DCAF8L2: variants seen among roughly 807,000 people sequenced by gnomAD.
The protein encoded by DCAF8L2 is DDB1 and CUL4 associated factor 8 like 2, also known as DDB1- and CUL4-associated factor 8-like protein 2.
For missense variants in DCAF8L2, 430 were observed against 490.7 expected (o/e 0.88, Z 1.17); for synonymous variants, 200 against 190.9 (o/e 1.05, Z -0.39).
intron 4 of DCAF8L2, among the ~76,000 whole-genome samples, chrX:27,740,500 T>C (rs1421853229): frequency 1.8e-5 from 2 of 111,301 alleles, no homozygotes; most frequent in East Asian, 2.8e-4. Flanking sequence ...TAGAATAAAA[T>C]AAAGCACTAT....
chrX:27,578,984 G>A, the DCAF8L2 span, among the ~76,000 whole-genome samples: 1 of 111,041 alleles, frequency 9.0e-6, no homozygotes, highest in Non-Finnish European at 1.9e-5. Context: ...TTCAATCATT[G>A]TGGAAGACAG....
At chrX:27,577,123 T>C in the DCAF8L2 span, among the ~76,000 whole-genome samples, 1 of 112,047 alleles carries the variant, frequency 8.9e-6, no homozygotes, top group Non-Finnish European at 1.9e-5. Flanking sequence ...GATCTATTAA[T>C]TTGCAACGAG....
chrX:27,476,812 T>A, the DCAF8L2 span, among the ~76,000 whole-genome samples: 2 of 112,236 alleles, frequency 1.8e-5, no homozygotes, highest in African/African-American at 6.5e-5. Flanking sequence ...TCTGTGCTAC[T>A]TTTTTTCTTG....
At chrX:27,625,839 T>G (rs1164817575) in intron 1 of DCAF8L2, among the ~76,000 whole-genome samples, 1 of 110,202 alleles carries the variant, frequency 9.1e-6, no homozygotes, top group Non-Finnish European at 1.9e-5. Flanking sequence ...AAAGGAACAA[T>G]AGACATCTGA....
chrX:27,671,953 G>A (rs141310872), intron 2 of DCAF8L2, among the ~76,000 whole-genome samples: 279 of 111,751 alleles, frequency 2.5e-3, no homozygotes, highest in African/African-American at 7.0e-3. Flanking sequence ...GAAATGTACA[G>A]GCTATACTAA....
At chrX:27,673,671 A>G (rs1270355630) in intron 2 of DCAF8L2, among the ~76,000 whole-genome samples, 3 of 108,933 alleles carry the variant, frequency 2.8e-5, no homozygotes, top group African/African-American at 1.0e-4. Context: ...TATAATATAC[A>G]TATGTGTGTG....
chrX:27,598,969 A>AT lies in DCAF8L2; in HGVS notation c.-342+8529_-342+8530insT, dbSNP rs1324866815. On this transcript the variant is annotated intron_variant, in intron 1 of 4. Transcript: ENST00000451261. ...CGATAGGAAAGTTTCTCAAAAAAAA[A>AT]AAAAAATATATATATATATATATGA... Among the ~76,000 whole-genome samples the AT allele has an allele frequency of 5.3e-3, 437 of 82,848 alleles. 5 individuals carry two copies. Among genetic ancestry groups the AT allele is most frequent in the African/African-American group, 0.018 (416 of 23,165 alleles). 71.9% of individuals were successfully genotyped at this position (82,848 alleles called of 115,157 possible).
chrX:27,501,782 G>A, the DCAF8L2 span, among the ~76,000 whole-genome samples: 1 of 110,700 alleles, frequency 9.0e-6, no homozygotes, highest in African/African-American at 3.3e-5. Context: ...GGGGTTGAGA[G>A]GAAGCAAGGG....
At chrX:27,547,186 A>G in the DCAF8L2 span, among the ~76,000 whole-genome samples, 2 of 112,033 alleles carry the variant, frequency 1.8e-5, no homozygotes, top group Non-Finnish European at 3.8e-5. Context: ...CCAGTTCCCA[A>G]TGAGTTCCTC....
chrX:27,691,312 T>C (rs1036864708), intron 3 of DCAF8L2, among the ~76,000 whole-genome samples: 1 of 111,721 alleles, frequency 9.0e-6, no homozygotes, highest in African/African-American at 3.2e-5. Flanking sequence ...AAGAGAAATA[T>C]AGATGAGAGA....
intron 3 of DCAF8L2, among the ~76,000 whole-genome samples, chrX:27,691,297 G>A (rs1293382842): frequency 2.7e-5 from 3 of 111,521 alleles, no homozygotes; most frequent in African/African-American, 9.7e-5. Flanking sequence ...CTGAAAAGTT[G>A]TTTTAAGAGA....
intron 1 of DCAF8L2, among the ~76,000 whole-genome samples, chrX:27,613,166 A>G (rs1439452784): frequency 9.0e-6 from 1 of 111,265 alleles, no homozygotes; most frequent in East Asian, 2.8e-4. Context: ...GGTCCTTCAC[A>G]TCCCTTGTAA....
chrX:27,650,085 G>A (rs1328861088), intron 2 of DCAF8L2, among the ~76,000 whole-genome samples: 2 of 111,636 alleles, frequency 1.8e-5, no homozygotes, highest in Non-Finnish European at 3.8e-5. Context: ...TACTCACTTT[G>A]TTGAAGATCG....
chrX:27,472,969 A>G, the DCAF8L2 span, among the ~76,000 whole-genome samples: 2 of 111,883 alleles, frequency 1.8e-5, no homozygotes, highest in African/African-American at 6.5e-5. Context: ...CGCTTTTTGC[A>G]ACACTTTTTC....
Position 27,748,875 on chromosome X carries a change from G to T in DCAF8L2, c.*84G>T, listed in dbSNP as rs772780707. On this transcript the variant is annotated 3_prime_UTR_variant, in exon 5 of 5. Transcript: ENST00000451261. ...TTTGACTAATTTAGAATTGTCAATA[G>T]ATTAATAGATTTGCTTTTTGTCTTC... 7.7e-6 allele frequency: 8 copies of T among 1,034,546 alleles called. No individual in the cohort carries two copies. Among genetic ancestry groups the T allele is most frequent in the Non-Finnish European group, 1.0e-5 (8 of 786,558 alleles). The allele number at this position is 1,034,546 out of a possible 1,213,427, so 85.3% of individuals were successfully genotyped here.
chrX:27,509,712 T>C, the DCAF8L2 span, among the ~76,000 whole-genome samples: 2 of 111,768 alleles, frequency 1.8e-5, no homozygotes, highest in Admixed American at 9.6e-5. Flanking sequence ...TCTTTTGTTC[T>C]TTTGCTTACA....
At chrX:27,596,417 A>G (rs1926362584) in intron 1 of DCAF8L2, among the ~76,000 whole-genome samples, 1 of 111,883 alleles carries the variant, frequency 8.9e-6, no homozygotes, top group South Asian at 3.7e-4. Context: ...GAAGATAATT[A>G]AAACCTAGAT....
chrX:27,633,416 C>G (rs1569166688), intron 2 of DCAF8L2: 1 of 111,987 alleles, frequency 8.9e-6, no homozygotes, highest in Non-Finnish European at 1.9e-5. Flanking sequence ...AATTTCCAGT[C>G]AAACTAGTTG....
At chrX:27,470,847 A>G in the DCAF8L2 span, among the ~76,000 whole-genome samples, 1 of 112,269 alleles carries the variant, frequency 8.9e-6, no homozygotes, top group African/African-American at 3.2e-5. Flanking sequence ...CATTATATTT[A>G]TCACAAAATG....
Sources: gnomAD v4.1 joint callset for allele counts (sites outside exome capture counted in the v4.1 genomes callset) on GRCh38, gnomAD v4.1.1 for gene constraint, MANE v1.5 for transcripts, NCBI Gene and HGNC (gene_info 2026-07-23, HGNC 2026-07-21) for gene names.